The following DCDC2 variants were observed in gnomAD, a reference collection of about 807,000 sequenced individuals.
The protein encoded by DCDC2 is doublecortin domain-containing protein 2.
In DCDC2, 40 loss-of-function variants were observed where a neutral mutation model predicts 50.2. The ratio of observed to expected loss-of-function variants is 0.80; its 90% CI spans 0.62 to 1.04. The LOEUF (loss-of-function observed/expected upper bound fraction) is 1.04, where lower values mean the gene tolerates loss of function less well. Ranked by LOEUF, DCDC2 falls within the 50% of genes least tolerant of loss-of-function variation. The pLI, the probability that DCDC2 is intolerant of heterozygous loss-of-function variation, is 0.00. For synonymous variants in DCDC2, 234 were observed against 210.6 expected (o/e 1.11, Z -0.96); for missense variants, 570 against 581.9 (o/e 0.98, Z 0.21).
the DCDC2 span, among the ~76,000 whole-genome samples, chr6:24,382,692 C>T: frequency 5.6e-3 from 858 of 152,314 alleles, 10 homozygotes; most frequent in African/African-American, 0.019. Context: ...TTTCACACTA[C>T]TGACAGGCTA....
At position 24,205,068 on chromosome 6, in the gene DCDC2, A is replaced by G. The variant is rs1446811518; in HGVS notation, c.957T>C (p.Ser319=). 1 of 1,614,122 alleles carries G rather than the reference A, an allele frequency of 6.2e-7. No individual in the cohort carries two copies. The highest frequency in any genetic ancestry group is 1.1e-5 in the South Asian group (1 of 91,072). ...EGIFKAGAER[S]ETRGAAEVQE... is the part of the protein sequence containing the mutation. Reference sequence around the variant, plus strand: ...GGACTTCTGCTGCCCCCCGTGTTTCAGACCTCTCTGCTCCAGCTTTGAAAA... The same window carrying G: ...GGACTTCTGCTGCCCCCCGTGTTTCGGACCTCTCTGCTCCAGCTTTGAAAA... Residue 319 remains serine, a synonymous_variant, in exon 8 of 10, where the codon TCT becomes TCC. Coordinates refer to ENST00000378454, the MANE Select transcript of DCDC2 (RefSeq NM_016356.5).
the DCDC2 span, among the ~76,000 whole-genome samples, chr6:24,374,958 G>A: frequency 3.3e-5 from 5 of 152,164 alleles, no homozygotes; most frequent in African/African-American, 7.2e-5. Context: ...GGAGTGAGAG[G>A]GAGACCCTGA....
At chr6:24,304,184 T>A (rs982192176) in intron 2 of DCDC2, among the ~76,000 whole-genome samples, 1 of 152,194 alleles carries the variant, frequency 6.6e-6, no homozygotes, top group African/African-American at 2.4e-5. Flanking sequence ...GCTGACTTTT[T>A]AAAAAATGTT....
intron 7 of DCDC2, among the ~76,000 whole-genome samples, chr6:24,219,919 C>T (rs576043020): frequency 1.3e-5 from 2 of 152,274 alleles, no homozygotes; most frequent in African/African-American, 4.8e-5. Flanking sequence ...CTATCAAAAC[C>T]AGAACTTGCT....
At chr6:24,358,106 T>A, upstream of DCDC2, 1 of 617,348 alleles carries the variant, frequency 1.6e-6, no homozygotes, top group African/African-American at 1.8e-5. Flanking sequence ...GCACGCCTAG[T>A]GAGGGCAGGA....
chr6:24,320,680 G>C (rs1339008333), intron 2 of DCDC2, among the ~76,000 whole-genome samples: 1 of 152,088 alleles, frequency 6.6e-6, no homozygotes, highest in East Asian at 1.9e-4. Flanking sequence ...ATGCATAATA[G>C]ATACAGAATA....
intron 2 of DCDC2, among the ~76,000 whole-genome samples, chr6:24,348,466 C>G (rs1760307542): frequency 6.6e-6 from 1 of 152,160 alleles, no homozygotes; most frequent in Non-Finnish European, 1.5e-5. Flanking sequence ...ATGGGAGAAA[C>G]AATGTTTCCT....
chr6:24,210,424 C>T (rs1048672731), intron 7 of DCDC2, among the ~76,000 whole-genome samples: 1 of 152,168 alleles, frequency 6.6e-6, no homozygotes, highest in Non-Finnish European at 1.5e-5. Context: ...ACTGCTCATC[C>T]CCCAGATTCC....
intron 1 of DCDC2, among the ~76,000 whole-genome samples, chr6:24,354,641 G>A (rs555117018): frequency 8.5e-5 from 13 of 152,214 alleles, no homozygotes; most frequent in African/African-American, 2.9e-4. Context: ...TGCAGGGGCT[G>A]AGTTTTGAAA....
intron 7 of DCDC2, among the ~76,000 whole-genome samples, chr6:24,233,648 T>C (rs1762381154): frequency 6.6e-6 from 1 of 152,182 alleles, no homozygotes; most frequent in Admixed American, 6.5e-5. Context: ...TTTAAAATTG[T>C]CTGTATGCAT....
At chr6:24,180,630 T>G (rs565825696) in intron 8 of DCDC2, among the ~76,000 whole-genome samples, 1 of 152,154 alleles carries the variant, frequency 6.6e-6, no homozygotes, top group African/African-American at 2.4e-5. Context: ...TTATTTGGTG[T>G]TAAGATCTCA....
At chr6:24,213,350 A>G (rs1365377623) in intron 7 of DCDC2, among the ~76,000 whole-genome samples, 4 of 152,198 alleles carry the variant, frequency 2.6e-5, no homozygotes, top group African/African-American at 9.6e-5. Context: ...TGAACTTTAA[A>G]ACAAAGTGTT....
At chr6:24,260,947 G>A (rs974285774) in intron 7 of DCDC2, among the ~76,000 whole-genome samples, 1 of 152,154 alleles carries the variant, frequency 6.6e-6, no homozygotes, top group Non-Finnish European at 1.5e-5. Flanking sequence ...CCAATGTGGG[G>A]TAAATGACAG....
At chr6:24,359,839 C>T (rs1760633464), upstream of DCDC2, among the ~76,000 whole-genome samples, 1 of 152,178 alleles carries the variant, frequency 6.6e-6, no homozygotes, top group Non-Finnish European at 1.5e-5. Context: ...ACCCCCTCCC[C>T]GATGATCAGC....
chr6:24,281,913 C>G (rs1763481980), intron 6 of DCDC2, among the ~76,000 whole-genome samples: 1 of 151,872 alleles, frequency 6.6e-6, no homozygotes. Flanking sequence ...AATAAATTAA[C>G]TTTCTAAGGG....
intron 7 of DCDC2, among the ~76,000 whole-genome samples, chr6:24,229,893 T>C (rs1231306232): frequency 6.6e-6 from 1 of 152,090 alleles, no homozygotes; most frequent in East Asian, 1.9e-4. Context: ...CTCCCACCAC[T>C]GGCCCCACCA....
chr6:24,378,093 T>C, the DCDC2 span, among the ~76,000 whole-genome samples: 1 of 152,214 alleles, frequency 6.6e-6, no homozygotes, highest in African/African-American at 2.4e-5. Context: ...CTTGTCCAAA[T>C]AGTATGGTAA....
chr6:24,211,928 G>A (rs374076617), intron 7 of DCDC2, among the ~76,000 whole-genome samples: 1 of 152,296 alleles, frequency 6.6e-6, no homozygotes, highest in East Asian at 1.9e-4. Context: ...TTATGTGCAT[G>A]AGGAGGGGTC....
At chr6:24,352,878 T>G (rs1760397699) in intron 2 of DCDC2, among the ~76,000 whole-genome samples, 4 of 152,240 alleles carry the variant, frequency 2.6e-5, no homozygotes, top group African/African-American at 9.6e-5. Context: ...TGGATCTAAC[T>G]ACAATTTTCC....
Sources: gnomAD v4.1 joint callset for allele counts (sites outside exome capture counted in the v4.1 genomes callset) on GRCh38, gnomAD v4.1.1 for gene constraint, MANE v1.5 for transcripts, NCBI Gene and HGNC (gene_info 2026-07-23, HGNC 2026-07-21) for gene names.